The following CCDC18 variants were observed in gnomAD, a reference collection of about 807,000 sequenced individuals.
CCDC18 encodes coiled-coil domain-containing protein 18.
In CCDC18, 157 loss-of-function variants were observed where a neutral mutation model predicts 196.0. The ratio of observed to expected loss-of-function variants is 0.80; its 90% CI spans 0.70 to 0.91. The LOEUF (loss-of-function observed/expected upper bound fraction) is 0.91, where lower values mean the gene tolerates loss of function less well. Ranked by LOEUF, CCDC18 falls within the 40% of genes least tolerant of loss-of-function variation. CCDC18 has a pLI of 0.00. For missense variants in CCDC18, 1,465 were observed against 1,611.6 expected, an observed-to-expected ratio of 0.91 and a Z score of 1.56; for synonymous variants, 482 against 529.2, an observed-to-expected ratio of 0.91 and a Z score of 1.22.
chr1:93,260,928 T>G (rs1301516612), intron 26 of CCDC18, among the ~76,000 whole-genome samples: 8 of 152,246 alleles, frequency 5.3e-5, no homozygotes, highest in Non-Finnish European at 1.2e-4. Flanking sequence ...TTCATCCATG[T>G]CCCTGCAAAG....
chr1:93,254,723 T>C, intron 24 of CCDC18, 109 bp downstream of exon 24: 5 of 1,036,862 alleles, frequency 4.8e-6, no homozygotes, highest in South Asian at 2.8e-5. Flanking sequence ...GTGCCATAAC[T>C]GTTTTTAGGC....
chr1:93,241,452 G>A (rs372112089), intron 21 of CCDC18, among the ~76,000 whole-genome samples: 1 of 151,998 alleles, frequency 6.6e-6, no homozygotes, highest in East Asian at 1.9e-4. Context: ...GACCAGGCGC[G>A]GTGGCTCACG....
intron 24 of CCDC18, among the ~76,000 whole-genome samples, chr1:93,255,737 A>G (rs941814554): frequency 7.2e-6 from 1 of 139,388 alleles, no homozygotes; most frequent in African/African-American, 3.0e-5. Flanking sequence ...GCCTGTACCA[A>G]ACGAAGAAGA....
intron 27 of CCDC18, among the ~76,000 whole-genome samples, chr1:93,269,427 A>T (rs1013071500): frequency 9.2e-5 from 14 of 152,138 alleles, no homozygotes; most frequent in African/African-American, 9.6e-5. Context: ...AAGTATTTTT[A>T]AAAAATCATA....
chr1:93,185,734 T>C (rs2101488891), intron 3 of CCDC18, among the ~76,000 whole-genome samples: 1 of 152,114 alleles, frequency 6.6e-6, no homozygotes, highest in Middle Eastern at 3.4e-3. Flanking sequence ...CTATTAAAGA[T>C]GGGAAGAGAC....
At chr1:93,190,513 A>G (rs1429822154) in intron 4 of CCDC18, among the ~76,000 whole-genome samples, 3 of 152,110 alleles carry the variant, frequency 2.0e-5, no homozygotes, top group Non-Finnish European at 2.9e-5. Context: ...TTCAGGTGTT[A>G]GTATTTTAGC....
At chr1:93,261,088 T>C (rs1663721335) in intron 26 of CCDC18, among the ~76,000 whole-genome samples, 1 of 152,202 alleles carries the variant, frequency 6.6e-6, no homozygotes, top group African/African-American at 2.4e-5. Context: ...TACATGTGCA[T>C]GTGTCTTTAT....
chr1:93,196,205 C>T (rs1471673381), intron 6 of CCDC18, among the ~76,000 whole-genome samples: 1 of 152,060 alleles, frequency 6.6e-6, no homozygotes, highest in Non-Finnish European at 1.5e-5. Flanking sequence ...CGCCTGGAGT[C>T]CCAGCTACTC....
Position 93,229,153 on chromosome 1 carries a change from TGGTAATCA to T in CCDC18, c.2292+2709_2292+2716del, listed in dbSNP as rs529279426. Among the ~76,000 whole-genome samples the T allele has an allele frequency of 6.4e-4, 97 of 152,266 alleles. 1 individual carries two copies. Among genetic ancestry groups the T allele is most frequent in the African/African-American group, 1.8e-3 (74 of 41,546 alleles). On this transcript the variant is annotated intron_variant, in intron 17 of 28. Transcript: ENST00000690025. The stretch of plus-strand genomic sequence containing the variant: ...CTCAAACTGAATTAGAAACCAGAAG[TGGTAATCA>T]GGTATATTTGACCAGACTAGGGAGT...
Position 93,270,627 on chromosome 1 carries a change from T to A in CCDC18, c.4166T>A (p.Leu1389Ter). Residue 1389 changes from leucine to a stop codon, truncating the protein, a stop_gained, in exon 28 of 29, where the codon TTA (leucine) becomes TAA (stop). Transcript: ENST00000690025. LOFTEE classifies it high-confidence loss of function. The stretch of plus-strand genomic sequence containing the variant: ...ATGCAATTAGAACAGCCTTCAACAT[T>A]AGAAGAAAGCCATAAGAATCTGACT... ...KKMQLEQPST[L>*]EESHKNLTYT... 6.4e-7 allele frequency: 1 copy of A among 1,550,392 alleles called. No individual in the cohort carries two copies.
chr1:93,203,516 G>A (rs933584859), intron 7 of CCDC18, among the ~76,000 whole-genome samples: 1 of 152,166 alleles, frequency 6.6e-6, no homozygotes, highest in Non-Finnish European at 1.5e-5. Context: ...TACCCTGGGA[G>A]ATAAAGAACA....
intron 14 of CCDC18, among the ~76,000 whole-genome samples, chr1:93,220,005 A>C (rs1657137357): frequency 6.6e-6 from 1 of 152,234 alleles, no homozygotes; most frequent in Non-Finnish European, 1.5e-5. Flanking sequence ...AAAATATTTG[A>C]AGGAATAATG....
In CCDC18 at chr1:93,270,665, G is replaced by C. The variant is rs180972711; in HGVS notation, c.4204G>C (p.Asp1402His). ...TAAGAATCTGACTTACACCCAGCCA[G>C]ACTCATTTAAACCTCTCACATATAA... The part of the protein sequence containing the change: ...SHKNLTYTQP[D>H]SFKPLTYNLE... Residue 1402 changes from aspartate (D) to histidine (H), a missense_variant, in exon 28 of 29, where the codon GAC becomes CAC. Coordinates refer to ENST00000690025, the MANE Select transcript of CCDC18 (RefSeq NM_001378204.1). The C allele has an allele frequency of 1.4e-5, 22 of 1,550,212 alleles. No individual in the cohort carries two copies. The highest frequency in any genetic ancestry group is 9.8e-5 in the Admixed American group (5 of 50,988).
At chr1:93,181,263 A>G (rs533113977) in intron 1 of CCDC18, among the ~76,000 whole-genome samples, 29 of 133,772 alleles carry the variant, frequency 2.2e-4, no homozygotes, top group African/African-American at 7.7e-4. Context: ...ATCTTGAGAC[A>G]GGAGACTACT....
Position 93,264,724 on chromosome 1 carries a change from T to C in CCDC18, c.3708T>C (p.His1236=), listed in dbSNP as rs557534437. ...HMEMISHQEN[H]AKWKISADSQ... is the part of the protein sequence containing the mutation. ...AGATGATTTCACATCAAGAGAACCA[T>C]GCAAAGTGGAAGATTTCTGCTGACT... is the stretch of plus-strand genomic sequence containing the variant. Residue 1236 remains histidine, a synonymous_variant, in exon 27 of 29, where the codon CAT becomes CAC. Coordinates refer to ENST00000690025, the MANE Select transcript of CCDC18 (RefSeq NM_001378204.1). 7 of 1,612,272 alleles carry C rather than the reference T, an allele frequency of 4.3e-6. No homozygotes were observed. In the East Asian group the frequency reaches 6.7e-5, roughly 15 times the overall value.
chr1:93,205,897 T>G (rs1056516943), intron 8 of CCDC18, among the ~76,000 whole-genome samples: 1 of 152,154 alleles, frequency 6.6e-6, no homozygotes, highest in African/African-American at 2.4e-5. Context: ...AGATATAATG[T>G]CCTTGATGTA....
chr1:93,191,256 TCA>T (rs1029596731), intron 4 of CCDC18, among the ~76,000 whole-genome samples: 16 of 152,318 alleles, frequency 1.1e-4, no homozygotes, highest in African/African-American at 3.8e-4. Context: ...TCTTAGTGTC[TCA>T]CAGTCTCAAG....
intron 1 of CCDC18, among the ~76,000 whole-genome samples, chr1:93,181,260 G>C (rs1649623355): frequency 7.7e-6 from 1 of 130,620 alleles, no homozygotes; most frequent in Non-Finnish European, 1.5e-5. Flanking sequence ...GCGATCTTGA[G>C]ACAGGAGACT....
chr1:93,180,380 G>GA (rs1262094639), upstream of CCDC18: 71 of 1,256,958 alleles, frequency 5.6e-5, no homozygotes, highest in Non-Finnish European at 7.3e-5. Flanking sequence ...CGGCGGCGGC[G>GA]AACACTCCCT....
Sources: gnomAD v4.1 joint callset for allele counts (sites outside exome capture counted in the v4.1 genomes callset) on GRCh38, gnomAD v4.1.1 for gene constraint, MANE v1.5 for transcripts, NCBI Gene and HGNC (gene_info 2026-07-23, HGNC 2026-07-21) for gene names.